Variants in SCMH1 observed in about 807,000 individuals in gnomAD.
SCMH1 encodes the protein polycomb protein SCMH1.
A neutral mutation model predicts 70.8 loss-of-function variants in SCMH1; 37 were observed. That is an observed-to-expected ratio of 0.52 (90% CI 0.40 to 0.69). The LOEUF (loss-of-function observed/expected upper bound fraction) is 0.69, where lower values mean the gene tolerates loss of function less well. Ranked by LOEUF, SCMH1 falls within the 30% of genes least tolerant of loss-of-function variation. SCMH1 has a pLI of 0.00. For synonymous variants in SCMH1, 292 were observed against 307.4 expected (o/e 0.95, Z 0.52); for missense variants, 607 against 827.3 (o/e 0.73, Z 3.27).
At chr1:41,097,302 C>T (rs1665360074) in intron 8 of SCMH1, among the ~76,000 whole-genome samples, 1 of 152,188 alleles carries the variant, frequency 6.6e-6, no homozygotes, top group Non-Finnish European at 1.5e-5. Flanking sequence ...ACCTCCAACT[C>T]AGCATTTATT....
At position 41,113,467 on chromosome 1, in the gene SCMH1, G is replaced by A; in HGVS notation, c.561C>T (p.Asp187=). The change falls in exon 8 of 15, where the codon GAC becomes GAT. Residue 187 remains aspartate, a synonymous_variant. Coordinates refer to ENST00000337495, the Ensembl canonical transcript of SCMH1. The surrounding 1 kb of genome is among the most constrained non-coding windows in gnomAD (Gnocchi z 4.3). ...GGCAAATGAAATGAGGGTTCTTCCT[G>A]TCCACAGCTTCTAGCTTCATTCCCA... 1 of 1,613,956 alleles carries A rather than the reference G, an allele frequency of 6.2e-7. No individual in the cohort carries two copies.
In SCMH1 at chr1:41,113,787, C is replaced by T. The variant is rs1248492624; in HGVS notation, c.502-261G>A. 6.6e-6 allele frequency among the ~76,000 whole-genome samples: 1 copy of T among 152,162 alleles called. No individual in the cohort carries two copies. The highest frequency in any genetic ancestry group is 1.5e-5 in the Non-Finnish European group (1 of 68,030). Reference sequence around the variant, plus strand: ...TGCAGATAAAGTTGAATCTCCCTTTCTGCCCTTCCCATATTCCATTCCCCC... The same window carrying T: ...TGCAGATAAAGTTGAATCTCCCTTTTTGCCCTTCCCATATTCCATTCCCCC... On this transcript the variant is annotated intron_variant, in intron 7 of 14. Coordinates refer to ENST00000337495, the Ensembl canonical transcript of SCMH1. This position sits in a 1 kb window ranked among gnomAD's most constrained non-coding sequence, Gnocchi z 4.3.
At chr1:41,177,738 G>A (rs983410823) in intron 2 of SCMH1, among the ~76,000 whole-genome samples, 1 of 152,224 alleles carries the variant, frequency 6.6e-6, no homozygotes, top group Admixed American at 6.5e-5. Flanking sequence ...ATGGGACTAT[G>A]TGAAAAGACC....
In SCMH1 at chr1:41,066,794, T is replaced by C. The variant is rs542483915; in HGVS notation, c.1105+3801A>G. The stretch of plus-strand genomic sequence containing the variant: ...AGTGGAGATAGGGGTCTCATGATGT[T>C]GCCCAGGCTGGTCTTGAACTCCTGA... On this transcript the variant is annotated intron_variant, in intron 10 of 14. Transcript: ENST00000337495. 6.6e-5 allele frequency among the ~76,000 whole-genome samples: 10 copies of C among 152,182 alleles called. No homozygotes were observed. In the East Asian group the frequency reaches 1.9e-3, roughly 30 times the overall value.
At chr1:41,104,443 A>G (rs1479183920) in intron 8 of SCMH1, among the ~76,000 whole-genome samples, 1 of 152,212 alleles carries the variant, frequency 6.6e-6, no homozygotes, top group Non-Finnish European at 1.5e-5. Flanking sequence ...CTGAGTGGCT[A>G]TTCTCATTAA....
At chr1:41,048,555 G>A (rs2148698384) in intron 11 of SCMH1, 135 bp downstream of exon 11, 1 of 770,008 alleles carries the variant, frequency 1.3e-6, no homozygotes, top group Non-Finnish European at 2.2e-6. Context: ...GGTTGGAGAT[G>A]AGGAATGGAA....
At chr1:41,088,968 T>A (rs74069003) in intron 8 of SCMH1, among the ~76,000 whole-genome samples, 2,034 of 152,282 alleles carry the variant, frequency 0.013, 46 homozygotes, top group African/African-American at 0.047. Context: ...ACTCTAGTCC[T>A]TAGGTAAGTG....
At chr1:41,237,964 A>T (rs764984432) in intron 1 of SCMH1, among the ~76,000 whole-genome samples, 7 of 152,112 alleles carry the variant, frequency 4.6e-5, no homozygotes, top group Admixed American at 6.5e-5. Context: ...TCTATGAATC[A>T]CCAATCGCTT....
chr1:41,233,393 A>T (rs1661688335), intron 1 of SCMH1, among the ~76,000 whole-genome samples: 1 of 152,214 alleles, frequency 6.6e-6, no homozygotes, highest in Non-Finnish European at 1.5e-5. Flanking sequence ...ACCAGAAAGT[A>T]CAGAAGAATA....
chr1:41,121,872 G>T (rs1380538453), intron 6 of SCMH1, among the ~76,000 whole-genome samples: 2 of 152,128 alleles, frequency 1.3e-5, no homozygotes, highest in African/African-American at 2.4e-5. Flanking sequence ...AGACCTAAAA[G>T]ACTAGAAGTC....
intron 8 of SCMH1, among the ~76,000 whole-genome samples, chr1:41,079,514 A>G (rs1382647643): frequency 1.3e-5 from 2 of 152,194 alleles, no homozygotes; most frequent in African/African-American, 4.8e-5. Flanking sequence ...CAATTAACCA[A>G]CCAACCTAAC....
At chr1:41,240,744 TTC>T (rs1186546862) in intron 1 of SCMH1, among the ~76,000 whole-genome samples, 1 of 142,778 alleles carries the variant, frequency 7.0e-6, no homozygotes, top group African/African-American at 2.5e-5. Context: ...ACTAAATGTT[TTC>T]TTTTTTTTTT....
At chr1:41,149,571 G>A (rs1312091139) in intron 5 of SCMH1, among the ~76,000 whole-genome samples, 1 of 152,098 alleles carries the variant, frequency 6.6e-6, no homozygotes, top group Non-Finnish European at 1.5e-5. Flanking sequence ...TACCTGATGG[G>A]TACTGGATAT....
At chr1:41,033,206 A>G (rs1331895674) in intron 13 of SCMH1, among the ~76,000 whole-genome samples, 1 of 151,480 alleles carries the variant, frequency 6.6e-6, no homozygotes, top group Non-Finnish European at 1.5e-5. Context: ...AGATCGCTTG[A>G]GCCCAGGAGG....
chr1:41,068,642 G>A (rs1558604215), intron 10 of SCMH1, among the ~76,000 whole-genome samples: 1 of 152,128 alleles, frequency 6.6e-6, no homozygotes, highest in Non-Finnish European at 1.5e-5. Flanking sequence ...CTGGCCTCAA[G>A]TAATCCGTCC....
At position 41,209,172 on chromosome 1, in the gene SCMH1, G is replaced by A. The variant is rs541520825; in HGVS notation, c.-117-22922C>T. Among the ~76,000 whole-genome samples, 931 of 152,266 alleles carry A rather than the reference G, an allele frequency of 6.1e-3. 13 individuals are homozygous for A. Among genetic ancestry groups the A allele is most frequent in the African/African-American group, 0.021 (885 of 41,524 alleles). ...CCTCCCAAGACTAAACCAGGAAGAA[G>A]TTGAATCTCTGAATAGACCAATAAC... is the stretch of plus-strand genomic sequence containing the variant. On this transcript the variant is annotated intron_variant, in intron 1 of 14. Transcript: ENST00000337495.
chr1:41,120,952 G>A (rs919614352), intron 6 of SCMH1, among the ~76,000 whole-genome samples: 1 of 152,178 alleles, frequency 6.6e-6, no homozygotes, highest in Non-Finnish European at 1.5e-5. Flanking sequence ...CCAGCTCCTT[G>A]TGCTAAGCAT....
At chr1:41,046,304 T>A in intron 12 of SCMH1, 103 bp downstream of exon 12, 1 of 909,424 alleles carries the variant, frequency 1.1e-6, no homozygotes, top group Non-Finnish European at 1.7e-6. Context: ...CTCTAGATAG[T>A]AGGTGCCAGG....
intron 8 of SCMH1, among the ~76,000 whole-genome samples, chr1:41,089,464 G>A (rs1479773042): frequency 1.3e-5 from 2 of 152,114 alleles, no homozygotes; most frequent in Non-Finnish European, 2.9e-5. Context: ...CAATCTGATC[G>A]TTTTTCATAA....
Sources: gnomAD v4.1 joint callset for allele counts (sites outside exome capture counted in the v4.1 genomes callset) on GRCh38, gnomAD v4.1.1 for gene constraint, Gnocchi (gnomAD v3.1) non-coding constraint, MANE v1.5 for transcripts, NCBI Gene and HGNC (gene_info 2026-07-23, HGNC 2026-07-21) for gene names.